The following TERF1 variants were observed in gnomAD, a reference collection of about 807,000 sequenced individuals.
TERF1 encodes the protein telomeric repeat binding factor 1, also known as telomeric repeat-binding factor 1.
TERF1 carries 20 observed loss-of-function variants against 55.1 expected under a neutral mutation model. The ratio of observed to expected loss-of-function variants is 0.36; its 90% CI spans 0.26 to 0.53. TERF1 has a LOEUF of 0.53. Ranked by LOEUF, TERF1 falls within the 20% of genes least tolerant of loss-of-function variation. The probability of loss-of-function intolerance (pLI) is 0.91; values close to 1 mark genes in which losing one functional copy is unlikely to be tolerated. For synonymous variants in TERF1, 168 were observed against 181.2 expected (o/e 0.93, Z 0.59); for missense variants, 439 against 535.7 (o/e 0.82, Z 1.78).
intron 2 of TERF1, among the ~76,000 whole-genome samples, chr8:73,018,001 G>C (rs745653600): frequency 6.6e-6 from 1 of 152,094 alleles, no homozygotes; most frequent in African/African-American, 2.4e-5. Flanking sequence ...GAGCCACCGC[G>C]CCTGGCCATG....
At chr8:73,033,887 G>C (rs939263411) in intron 8 of TERF1, among the ~76,000 whole-genome samples, 7 of 152,138 alleles carry the variant, frequency 4.6e-5, no homozygotes, top group Non-Finnish European at 7.3e-5. Context: ...GTGGTACCCA[G>C]GTACCCCCTC....
At chr8:73,026,824 A>G (rs1388870124) in intron 5 of TERF1, 116 bp from the exon 6 acceptor site, 3 of 776,618 alleles carry the variant, frequency 3.9e-6, no homozygotes, top group Non-Finnish European at 6.4e-6. Flanking sequence ...TTGGCCTGTG[A>G]ACAGATACAT....
At chr8:73,020,647 C>T in intron 2 of TERF1, 37 bp from the exon 3 acceptor site, 2 of 1,561,592 alleles carry the variant, frequency 1.3e-6, no homozygotes, top group Non-Finnish European at 8.7e-7. Context: ...TTCTACTTAG[C>T]TTTCTGAGTT....
chr8:73,014,830 G>A (rs1808430477), intron 2 of TERF1, among the ~76,000 whole-genome samples: 1 of 152,130 alleles, frequency 6.6e-6, no homozygotes, highest in African/African-American at 2.4e-5. Context: ...GGGGGGTGAG[G>A]GTAGGTCTGG....
At chr8:73,025,061 T>G (rs1808921841) in intron 5 of TERF1, 90 bp downstream of exon 5, 5 of 836,530 alleles carry the variant, frequency 6.0e-6, no homozygotes, top group Non-Finnish European at 8.5e-6. Context: ...CCTTTAAAAT[T>G]AATCAGAATT....
intron 9 of TERF1, among the ~76,000 whole-genome samples, chr8:73,044,848 A>C (rs927011636): frequency 6.6e-6 from 1 of 152,068 alleles, no homozygotes; most frequent in Non-Finnish European, 1.5e-5. Flanking sequence ...CATGTTCTAG[A>C]ATGCGTCAGA....
chr8:73,009,197 G>C lies in TERF1; in HGVS notation c.311G>C (p.Ser104Thr). 6.2e-7 allele frequency: 1 copy of C among 1,610,202 alleles called. No individual in the cohort carries two copies. Among genetic ancestry groups the C allele is most frequent in the Non-Finnish European group, 8.5e-7 (1 of 1,179,792 alleles). ...GAGGACTTCCGCAGGACCCGCAACA[G>C]CGCAGAGGGTGAGTGCAGACCGCGT... ...RSEDFRRTRN[S>T]AEAIIHGLSS... Residue 104 changes from serine to threonine, a missense_variant, in exon 1 of 10, where the codon AGC becomes ACC. This residue lies in a region of TERF1 where 179 missense variants were observed against 152.6 expected (regional missense o/e 1.17). Coordinates refer to ENST00000276603, the MANE Select transcript of TERF1 (RefSeq NM_017489.3).
At position 73,037,737 on chromosome 8, in the gene TERF1, A is replaced by ATATTATATAT. The variant is rs1216296874; in HGVS notation, c.1040-1379_1040-1378insTATTATATAT. ...TATATAATATATATTATATAGTATG[A>ATATTATATAT]AATATATATTATATATAATATTATA... On this transcript the variant is annotated intron_variant, in intron 8 of 9. Transcript: ENST00000276603. Among the ~76,000 whole-genome samples the ATATTATATAT allele has an allele frequency of 1.2e-4, 10 of 83,542 alleles. 1 individual carries two copies. Among genetic ancestry groups the ATATTATATAT allele is most frequent in the African/African-American group, 5.9e-4 (10 of 16,816 alleles). 54.8% of individuals were successfully genotyped at this position (83,542 alleles called of 152,430 possible). A position where few individuals can be genotyped will look rare whatever the true frequency, so the allele number is the denominator to read the frequency against.
Position 73,013,945 on chromosome 8 carries a change from T to C in TERF1, c.370T>C (p.Tyr124His), listed in dbSNP as rs375680818. ...SLTACQLRTI[Y>H]ICQFLTRIAA... ...AACAGCTTGCCAGTTGAGAACGATA[T>C]ACATATGTCAGTTTTTGACAAGAAT... The change falls in exon 2 of 10, where the codon TAC (tyrosine) becomes CAC (histidine). Residue 124 changes from tyrosine to histidine, a missense_variant. Transcript: ENST00000276603. 2.7e-5 allele frequency: 43 copies of C among 1,611,580 alleles called. No homozygotes were observed. The South Asian group carries it at 4.0e-4, about 15-fold the overall frequency.
Position 73,046,378 on chromosome 8 carries a change from C to G in TERF1, c.*241C>G, listed in dbSNP as rs2129938983. On this transcript the variant is annotated 3_prime_UTR_variant, in exon 10 of 10. Transcript: ENST00000276603. ...TTGAACCCTGCCACATTTAGTATCCCCACCCCCAAATCCTGTTCCAATGAA... is the reference window on the plus strand; with the variant it reads ...TTGAACCCTGCCACATTTAGTATCCGCACCCCCAAATCCTGTTCCAATGAA... The G allele has an allele frequency of 3.4e-6, 1 of 291,108 alleles. No homozygotes were observed. The highest frequency in any genetic ancestry group is 6.0e-5 in the East Asian group (1 of 16,678). 18.0% of individuals were successfully genotyped at this position (291,108 alleles called of 1,614,324 possible). A position where few individuals can be genotyped will look rare whatever the true frequency, so the allele number is the denominator to read the frequency against.
At chr8:73,009,239 C>CG (rs754605256) in intron 1 of TERF1, 34 bp downstream of exon 1, 6 of 1,580,626 alleles carry the variant, frequency 3.8e-6, no homozygotes, top group Non-Finnish European at 4.3e-6. Context: ...CGGGACTACG[C>CG]GGGGGGCGGA....
At chr8:73,019,751 T>C (rs1033225767) in intron 2 of TERF1, among the ~76,000 whole-genome samples, 1 of 152,208 alleles carries the variant, frequency 6.6e-6, no homozygotes, top group Non-Finnish European at 1.5e-5. Context: ...CCATTCCCTC[T>C]GGAATGTTTT....
chr8:73,030,993 T>C (rs1045548036), intron 7 of TERF1: 26 of 152,182 alleles, frequency 1.7e-4, no homozygotes, highest in African/African-American at 6.3e-4. Context: ...AAATAATTCA[T>C]AATAGCAGCA....
chr8:73,036,208 C>T (rs997195121), intron 8 of TERF1, among the ~76,000 whole-genome samples: 1 of 152,170 alleles, frequency 6.6e-6, no homozygotes, highest in Non-Finnish European at 1.5e-5. Context: ...CAAGCCAGTA[C>T]CCTCTCCCAG....
At chr8:73,010,725 A>C (rs1292341880) in intron 1 of TERF1, 1 of 152,210 alleles carries the variant, frequency 6.6e-6, no homozygotes, top group Admixed American at 6.5e-5. Context: ...TATAGACAGT[A>C]AGGACTTAAG....
rs1251186703 is a variant in TERF1, at chr8:73,047,653, C to T, written c.*1516C>T. The stretch of plus-strand genomic sequence containing the variant: ...AAATCAAATGGTGGTGTTTTGTAAT[C>T]TCTATTGTATTTCCTATTAAGGTTT... On this transcript the variant is annotated 3_prime_UTR_variant, in exon 10 of 10. Coordinates refer to ENST00000276603, the MANE Select transcript of TERF1 (RefSeq NM_017489.3). 6.6e-6 allele frequency: 1 copy of T among 152,156 alleles called. No homozygotes were observed. The highest frequency in any genetic ancestry group is 1.9e-4 in the East Asian group (1 of 5,198). 9.4% of individuals were successfully genotyped at this position (152,156 alleles called of 1,614,324 possible).
rs1247587651 is a variant in TERF1 at position 73,047,226 on chromosome 8, C to G, written c.*1089C>G. 6.6e-6 allele frequency: 1 copy of G among 151,926 alleles called. No individual in the cohort carries two copies. Among genetic ancestry groups the G allele is most frequent in the East Asian group, 1.9e-4 (1 of 5,190 alleles). The allele number at this position is 151,926 out of a possible 1,614,324, so 9.4% of individuals were successfully genotyped here. A position where few individuals can be genotyped will look rare whatever the true frequency, so the allele number is the denominator to read the frequency against. The stretch of plus-strand genomic sequence containing the variant: ...AAAAAGAAAAAGACAATAGTATTAC[C>G]CATGGGACAAAATTTGTACTATTAG... On this transcript the variant is annotated 3_prime_UTR_variant, in exon 10 of 10. Coordinates refer to ENST00000276603, the MANE Select transcript of TERF1 (RefSeq NM_017489.3).
intron 8 of TERF1, among the ~76,000 whole-genome samples, chr8:73,033,432 A>G (rs963917538): frequency 6.6e-5 from 10 of 152,172 alleles, no homozygotes; most frequent in African/African-American, 2.4e-4. Context: ...ATGAAATTCA[A>G]AGAAAAGGAA....
chr8:73,030,505 C>A, intron 7 of TERF1, 110 bp downstream of exon 7: 1 of 714,524 alleles, frequency 1.4e-6, no homozygotes, highest in Non-Finnish European at 2.1e-6. Context: ...AAGAATATCT[C>A]AGGGTCCTAG....
Sources: gnomAD v4.1 joint callset for allele counts (sites outside exome capture counted in the v4.1 genomes callset) on GRCh38, gnomAD v4.1.1 for gene constraint, gnomAD v4.1.1 regional missense constraint, MANE v1.5 for transcripts, NCBI Gene and HGNC (gene_info 2026-07-23, HGNC 2026-07-21) for gene names.